ANO3: variants seen among roughly 807,000 people sequenced by gnomAD.
The protein encoded by ANO3 is anoctamin 3.
A neutral mutation model predicts 144.8 loss-of-function variants in ANO3; 99 were observed. The ratio of observed to expected loss-of-function variants is 0.68; its 90% CI spans 0.58 to 0.81. ANO3 has a LOEUF of 0.81. ANO3 is among the 30% of genes least tolerant of loss of function. The probability of loss-of-function intolerance (pLI) is 0.00; values close to 1 mark genes in which losing one functional copy is unlikely to be tolerated. For missense variants in ANO3, 905 were observed against 1,202.2 expected, an observed-to-expected ratio of 0.75 and a Z score of 3.66; for synonymous variants, 414 against 392.6, an observed-to-expected ratio of 1.05 and a Z score of -0.64.
chr11:26,195,912 C>A (rs937201370), intron 1 of ANO3, among the ~76,000 whole-genome samples: 2 of 152,074 alleles, frequency 1.3e-5, no homozygotes, highest in Non-Finnish European at 2.9e-5. Flanking sequence ...AAAAAATGTG[C>A]GAAAAATACC....
At chr11:26,506,958 C>T (rs145991337) in intron 4 of ANO3, among the ~76,000 whole-genome samples, 3,360 of 152,218 alleles carry the variant, frequency 0.022, 62 homozygotes, top group Non-Finnish European at 0.035. Context: ...TCTCCCCAGA[C>T]ATTGGAAAGC....
intron 17 of ANO3, among the ~76,000 whole-genome samples, chr11:26,603,173 G>C (rs1851845911): frequency 6.6e-6 from 1 of 152,092 alleles, no homozygotes; most frequent in Non-Finnish European, 1.5e-5. Context: ...ATCTGGCAAA[G>C]CTAGAATCAA....
intron 1 of ANO3, among the ~76,000 whole-genome samples, chr11:26,314,949 T>C (rs1186503345): frequency 6.6e-6 from 1 of 152,192 alleles, no homozygotes; most frequent in African/African-American, 2.4e-5. Flanking sequence ...CATCAAGCCA[T>C]TCAGCATTGC....
intron 1 of ANO3, among the ~76,000 whole-genome samples, chr11:26,413,298 A>T (rs1288648176): frequency 6.6e-6 from 1 of 151,886 alleles, no homozygotes; most frequent in Non-Finnish European, 1.5e-5. Context: ...TTCACTAAAG[A>T]CATTACTTCT....
chr11:26,302,052 G>A (rs1204574718), intron 1 of ANO3, among the ~76,000 whole-genome samples: 4 of 152,200 alleles, frequency 2.6e-5, no homozygotes, highest in African/African-American at 7.2e-5. Context: ...GACTGTGAAG[G>A]TAACTGCCAA....
At chr11:26,631,084 T>C (rs1336070974) in intron 18 of ANO3, among the ~76,000 whole-genome samples, 1 of 151,978 alleles carries the variant, frequency 6.6e-6, no homozygotes, top group Non-Finnish European at 1.5e-5. Context: ...GTTTATTATA[T>C]ATAAATGTTT....
At chr11:26,196,208 A>G (rs1851585007) in intron 1 of ANO3, among the ~76,000 whole-genome samples, 1 of 152,194 alleles carries the variant, frequency 6.6e-6, no homozygotes, top group Non-Finnish European at 1.5e-5. Context: ...TGTTAATTGC[A>G]AAAAATACAA....
chr11:26,228,916 G>A (rs73439638), intron 1 of ANO3, among the ~76,000 whole-genome samples: 3,028 of 152,268 alleles, frequency 0.02, 127 homozygotes, highest in African/African-American at 0.07. Flanking sequence ...GGTTGTATTT[G>A]TTGAAAAATT....
intron 1 of ANO3, among the ~76,000 whole-genome samples, chr11:26,311,615 T>A (rs961037309): frequency 6.6e-6 from 1 of 152,240 alleles, no homozygotes. Flanking sequence ...GATAAGTTGC[T>A]AGGCAGCTCT....
intron 4 of ANO3, among the ~76,000 whole-genome samples, chr11:26,479,456 G>GA (rs1860119141): frequency 2.0e-5 from 3 of 152,146 alleles, no homozygotes; most frequent in African/African-American, 4.8e-5. Flanking sequence ...CATGGCTGGG[G>GA]AGGCCTCATA....
upstream of ANO3, among the ~76,000 whole-genome samples, chr11:26,304,827 A>G (rs1854336413): frequency 6.6e-6 from 1 of 152,150 alleles, no homozygotes; most frequent in Non-Finnish European, 1.5e-5. Context: ...AGAGATTCCC[A>G]GAAGTGAGAT....
rs544495294 is a variant in ANO3 at position 26,588,960 on chromosome 11, G to A, written c.1448-9405G>A. On this transcript the variant is annotated intron_variant, in intron 14 of 26. Transcript: ENST00000256737. The stretch of plus-strand genomic sequence containing the variant: ...ATTTTTCCTGCAGACAATAATTTTC[G>A]GCTGTTTTGCCTCTTTTAGTCGTTT... Among the ~76,000 whole-genome samples, 31 of 152,194 alleles carry A rather than the reference G, an allele frequency of 2.0e-4. No homozygotes were observed. In the South Asian group the frequency reaches 3.9e-3, roughly 19 times the overall value.
intron 4 of ANO3, among the ~76,000 whole-genome samples, chr11:26,498,706 C>T (rs1861068250): frequency 6.6e-6 from 1 of 151,660 alleles, no homozygotes; most frequent in South Asian, 2.1e-4. Flanking sequence ...ATTGAGACTT[C>T]TGTATAATAT....
chr11:26,303,968 C>T (rs987188730), intron 1 of ANO3, among the ~76,000 whole-genome samples: 4 of 152,276 alleles, frequency 2.6e-5, no homozygotes, highest in Non-Finnish European at 5.9e-5. Context: ...CTGCCTCAGC[C>T]TCCCAAAGTG....
chr11:26,268,593 A>G (rs776830005), intron 1 of ANO3, among the ~76,000 whole-genome samples: 1 of 152,164 alleles, frequency 6.6e-6, no homozygotes, highest in African/African-American at 2.4e-5. Flanking sequence ...TGTGTATAAT[A>G]CTTACTTATT....
At chr11:26,452,089 C>G (rs1858965884) in intron 3 of ANO3, among the ~76,000 whole-genome samples, 1 of 152,108 alleles carries the variant, frequency 6.6e-6, no homozygotes. Flanking sequence ...CTGTACATCA[C>G]CATCATCAAA....
intron 1 of ANO3, among the ~76,000 whole-genome samples, chr11:26,320,348 C>A (rs898680360): frequency 1.2e-4 from 18 of 152,248 alleles, no homozygotes; most frequent in Middle Eastern, 3.4e-3. Context: ...CCTGAAACCA[C>A]AAAGGGAAGG....
chr11:26,377,345 T>C (rs1177914221), intron 1 of ANO3, among the ~76,000 whole-genome samples: 1 of 151,980 alleles, frequency 6.6e-6, no homozygotes, highest in Non-Finnish European at 1.5e-5. Flanking sequence ...TTTGAAAATA[T>C]GAGCATAAAG....
At chr11:26,291,193 G>C (rs753598282) in intron 1 of ANO3, among the ~76,000 whole-genome samples, 1 of 151,900 alleles carries the variant, frequency 6.6e-6, no homozygotes, top group African/African-American at 2.4e-5. Context: ...TGATCTTTTT[G>C]GTTTAAAGCC....
Sources: allele counts gnomAD v4.1 joint callset (sites outside exome capture counted in the v4.1 genomes callset), GRCh38; gene constraint gnomAD v4.1.1; transcripts MANE v1.5; gene names NCBI Gene and HGNC (gene_info 2026-07-23, HGNC 2026-07-21).